SIRT2: variants seen among roughly 807,000 people sequenced by gnomAD.
SIRT2 encodes NAD-dependent protein deacetylase sirtuin-2.
In SIRT2, 40 loss-of-function variants were observed where a neutral mutation model predicts 57.4. The ratio of observed to expected loss-of-function variants is 0.70; its 90% CI spans 0.54 to 0.91. SIRT2 has a LOEUF of 0.91. SIRT2 is among the 40% of genes least tolerant of loss of function. The pLI, the probability that SIRT2 is intolerant of heterozygous loss-of-function variation, is 0.00. For missense variants in SIRT2, 439 were observed against 510.4 expected (o/e 0.86, Z 1.35); for synonymous variants, 161 against 195.7 (o/e 0.82, Z 1.48).
At chr19:38,889,219 G>T in intron 7 of SIRT2, 64 bp from the exon 8 acceptor site, 1 of 1,452,412 alleles carries the variant, frequency 6.9e-7, no homozygotes, top group Non-Finnish European at 9.7e-7. Context: ...ACTGCCGCAT[G>T]CCAGGAACTG....
Position 38,893,817 on chromosome 19 carries a change from ACTGT to A in SIRT2, c.110_112+1del, listed in dbSNP as rs1279664247. On this transcript the variant is annotated splice_donor_variant and coding_sequence_variant, in exon 3 of 16. Transcript: ENST00000249396. LOFTEE classifies it high-confidence loss of function. Reference sequence around the variant, plus strand: ...TCCCTGTCCCTCCAGGAAGATACTCACTGTCTGCTTCTCCACCAGCGGCTCCTCC... The same window carrying A: ...TCCCTGTCCCTCCAGGAAGATACTCACTGCTTCTCCACCAGCGGCTCCTCC... The A allele has an allele frequency of 1.2e-6, 2 of 1,612,686 alleles. No homozygotes were observed. The highest frequency in any genetic ancestry group is 1.3e-5 in the African/African-American group (1 of 74,614).
chr19:38,881,255 G>C (rs1973144244), intron 10 of SIRT2, 100 bp from the exon 11 acceptor site: 2 of 1,281,900 alleles, frequency 1.6e-6, no homozygotes, highest in Non-Finnish European at 2.2e-6. Context: ...TGGGAGTTGG[G>C]AGCAGTGGGG....
intron 8 of SIRT2, among the ~76,000 whole-genome samples, chr19:38,886,339 C>G (rs956649489): frequency 2.0e-5 from 3 of 152,152 alleles, no homozygotes; most frequent in African/African-American, 7.2e-5. Flanking sequence ...CCCACTGACT[C>G]CCTCACATGT....
intron 2 of SIRT2, among the ~76,000 whole-genome samples, chr19:38,895,366 G>A (rs949348949): frequency 2.0e-5 from 3 of 152,190 alleles, no homozygotes; most frequent in Non-Finnish European, 4.4e-5. Context: ...TTGCCAGGAT[G>A]TCCACAAGGG....
intron 3 of SIRT2, 32 bp from the exon 4 acceptor site, chr19:38,893,559 C>T (rs200119969): frequency 8.3e-5 from 124 of 1,500,374 alleles, no homozygotes; most frequent in Non-Finnish European, 1.1e-4. Flanking sequence ...AGCGGCAGGA[C>T]GGGCATTCAG....
chr19:38,889,266 G>A (rs11879029), intron 7 of SIRT2, 111 bp from the exon 8 acceptor site: 97,647 of 1,000,174 alleles, frequency 0.098, 7,825 homozygotes, highest in East Asian at 0.38. Flanking sequence ...CCAGGGAACC[G>A]TCACAGCAGC....
chr19:38,886,268 C>A (rs1160406263), intron 8 of SIRT2, among the ~76,000 whole-genome samples: 1 of 152,176 alleles, frequency 6.6e-6, no homozygotes, highest in African/African-American at 2.4e-5. Flanking sequence ...CGCCCTGTAA[C>A]TTTCCTCCCT....
At chr19:38,896,299 T>C (rs1973713809) in intron 2 of SIRT2, among the ~76,000 whole-genome samples, 1 of 152,266 alleles carries the variant, frequency 6.6e-6, no homozygotes, top group African/African-American at 2.4e-5. Flanking sequence ...ATAAAACTAA[T>C]ATTTTTTACA....
At chr19:38,882,888 A>C (rs1247315117) in intron 9 of SIRT2, among the ~76,000 whole-genome samples, 1 of 152,208 alleles carries the variant, frequency 6.6e-6, no homozygotes, top group Admixed American at 6.6e-5. Context: ...AGCTGCTTGC[A>C]GTTGGGCTAT....
chr19:38,879,817 T>C, intron 13 of SIRT2, 115 bp from the exon 14 acceptor site: 2 of 746,406 alleles, frequency 2.7e-6, no homozygotes, highest in Non-Finnish European at 4.4e-6. Context: ...TGTTTTTTTT[T>C]TGTTGTTGTT....
intron 8 of SIRT2, among the ~76,000 whole-genome samples, chr19:38,884,904 A>G (rs748203675): frequency 6.1e-5 from 9 of 148,604 alleles, no homozygotes; most frequent in Non-Finnish European, 1.2e-4. Context: ...TTCTGTAGAG[A>G]TGGGGTCTCA....
At chr19:38,881,605 T>C in intron 9 of SIRT2, 114 bp from the exon 10 acceptor site, 5 of 783,300 alleles carry the variant, frequency 6.4e-6, no homozygotes, top group African/African-American at 1.7e-5. Flanking sequence ...CCTCCATCAC[T>C]TGGAGTGTGA....
At chr19:38,897,672 G>C (rs184506258) in intron 2 of SIRT2, among the ~76,000 whole-genome samples, 152 of 152,190 alleles carry the variant, frequency 1.0e-3, no homozygotes, top group African/African-American at 3.5e-3. Context: ...ATGCAGGCAT[G>C]CACCACTACA....
rs548662896 is a variant in SIRT2, at chr19:38,897,430, G to A, written c.63+949C>T. On this transcript the variant is annotated intron_variant, in intron 2 of 15. Coordinates refer to ENST00000249396, the MANE Select transcript of SIRT2 (RefSeq NM_012237.4). The stretch of plus-strand genomic sequence containing the variant: ...CTTGGTCTGACAGCTAGACCAGCCT[G>A]TGGATTCCTCCAGGGAATGGCCTGG... Among the ~76,000 whole-genome samples, 28 of 152,224 alleles carry A rather than the reference G, an allele frequency of 1.8e-4. 1 individual carries two copies. Among genetic ancestry groups the A allele is most frequent in the African/African-American group, 6.5e-4 (27 of 41,534 alleles).
intron 4 of SIRT2, 32 bp downstream of exon 4, chr19:38,893,382 G>A (rs1399905065): frequency 2.1e-6 from 3 of 1,401,078 alleles, no homozygotes; most frequent in Non-Finnish European, 3.0e-6. Flanking sequence ...CAGGAGCCAG[G>A]CAAAGTGGCC....
At chr19:38,881,588 G>A in intron 9 of SIRT2, 97 bp from the exon 10 acceptor site, 3 of 923,068 alleles carry the variant, frequency 3.3e-6, no homozygotes, top group East Asian at 2.6e-5. Context: ...CTGTTAACAT[G>A]AACACACCTC....
intron 8 of SIRT2, among the ~76,000 whole-genome samples, chr19:38,887,395 A>T (rs1323926143): frequency 6.6e-6 from 1 of 152,196 alleles, no homozygotes; most frequent in Non-Finnish European, 1.5e-5. Flanking sequence ...AGCTGTTATC[A>T]TATCTGAGCC....
chr19:38,896,774 C>T (rs1004052007), intron 2 of SIRT2, among the ~76,000 whole-genome samples: 4 of 152,308 alleles, frequency 2.6e-5, no homozygotes, highest in African/African-American at 9.6e-5. Flanking sequence ...ATATCCTTAG[C>T]AAAGCTCCAC....
intron 4 of SIRT2, among the ~76,000 whole-genome samples, chr19:38,891,094 T>TAC (rs1295735964): frequency 1.3e-5 from 2 of 152,284 alleles, no homozygotes; most frequent in South Asian, 2.1e-4. Context: ...TGTTTGACCC[T>TAC]ACACTGAGTC....
Sources: allele counts gnomAD v4.1 joint callset (sites outside exome capture counted in the v4.1 genomes callset), GRCh38; gene constraint gnomAD v4.1.1; transcripts MANE v1.5; gene names NCBI Gene and HGNC (gene_info 2026-07-23, HGNC 2026-07-21).